The following NPHS1 variants were observed in gnomAD, a reference collection of about 807,000 sequenced individuals.
NPHS1 encodes the protein NPHS1 adhesion molecule, nephrin.
A neutral mutation model predicts 139.7 loss-of-function variants in NPHS1; 107 were observed. The ratio of observed to expected loss-of-function variants is 0.77; its 90% confidence interval spans 0.66 to 0.90. The LOEUF (loss-of-function observed/expected upper bound fraction) is 0.90. NPHS1 is among the 40% of genes least tolerant of loss of function. NPHS1 has a pLI of 0.00. For missense variants in NPHS1, 1,580 were observed against 1,654.2 expected (o/e 0.96, Z 0.78); for synonymous variants, 707 against 706.6 (o/e 1.00, Z -0.01).
At chr19:35,848,840 A>G in intron 8 of NPHS1, 46 bp from the exon 9 acceptor site, 5 of 1,613,162 alleles carry the variant, frequency 3.1e-6, no homozygotes, top group Non-Finnish European at 4.2e-6. Context: ...TGGATTTCTC[A>G]CAGACCAGCC....
chr19:35,851,589 A>G lies in NPHS1; in HGVS notation c.142T>C (p.Ser48Pro). 6.2e-7 allele frequency: 1 copy of G among 1,613,950 alleles called. No individual in the cohort carries two copies. Among genetic ancestry groups the G allele is most frequent in the East Asian group, 2.2e-5 (1 of 44,880 alleles). ...CTGACCCCACAACGCAGCTCCACTGAGGCCCCCTCCACCACCGTCAGGTTT... is the reference window on the plus strand; with the variant it reads ...CTGACCCCACAACGCAGCTCCACTGGGGCCCCCTCCACCACCGTCAGGTTT... ...PENLTVVEGA[S>P]VELRCGVSTP... The change falls in exon 2 of 29, where the codon TCA becomes CCA. Residue 48 changes from serine to proline, a missense_variant. By Grantham distance (74) the Ser-to-Pro change is moderately conservative. Coordinates refer to ENST00000378910, the MANE Select transcript of NPHS1 (RefSeq NM_004646.4).
chr19:35,851,933 C>G lies in NPHS1; in HGVS notation c.-96G>C, dbSNP rs1973277558. 2 of 1,055,762 alleles carry G rather than the reference C, an allele frequency of 1.9e-6. No individual in the cohort carries two copies. The highest frequency in any genetic ancestry group is 3.2e-5 in the African/African-American group (2 of 62,892). The allele number at this position is 1,055,762 out of a possible 1,614,324, so 65.4% of individuals were successfully genotyped here. ...GTCCCTCTCTGTGTGTCTCTGCCAC[C>G]TGCTTTTCTTTTTTATCTCTTTCCG... On this transcript the variant is annotated 5_prime_UTR_variant, in exon 1 of 29. Coordinates refer to ENST00000378910, the MANE Select transcript of NPHS1 (RefSeq NM_004646.4).
chr19:35,842,079 T>C lies in NPHS1; in HGVS notation c.2663+45A>G, dbSNP rs750702000. 11 of 1,582,332 alleles carry C rather than the reference T, an allele frequency of 7.0e-6. No homozygotes were observed. In the East Asian group the frequency reaches 2.5e-4, roughly 36 times the overall value. Reference sequence around the variant, plus strand: ...CAGGGAGGGGAAGTGGGGCTGGAGGTCCAGACCTGGGGCTGGAGTGCTGCC... The same window carrying C: ...CAGGGAGGGGAAGTGGGGCTGGAGGCCCAGACCTGGGGCTGGAGTGCTGCC... On this transcript the variant is annotated intron_variant, in intron 19 of 28. Transcript: ENST00000378910.
chr19:35,834,846 C>G (rs1284496549), intron 23 of NPHS1, among the ~76,000 whole-genome samples: 1 of 151,030 alleles, frequency 6.6e-6, no homozygotes, highest in Non-Finnish European at 1.5e-5. Flanking sequence ...GATCGCACCA[C>G]TGCACTCCAG....
Position 35,848,080 on chromosome 19 carries a change from A to G in NPHS1, c.1401T>C (p.Ala467=). The part of the protein sequence containing the change: ...AGTRVRLVCL[A]IGGNPEPSLM... ...GGGAGGGCTCTGGGTTGCCCCCGATAGCCAAACACACCAGCCTCACCCGGG... is the reference window on the plus strand; with the variant it reads ...GGGAGGGCTCTGGGTTGCCCCCGATGGCCAAACACACCAGCCTCACCCGGG... Residue 467 remains alanine (A), a synonymous_variant, in exon 11 of 29, where the codon GCT becomes GCC. Coordinates refer to ENST00000378910, the MANE Select transcript of NPHS1 (RefSeq NM_004646.4). 6.2e-7 allele frequency: 1 copy of G among 1,613,962 alleles called. No individual in the cohort carries two copies. The highest frequency in any genetic ancestry group is 8.5e-7 in the Non-Finnish European group (1 of 1,180,010).
intron 22 of NPHS1, among the ~76,000 whole-genome samples, chr19:35,838,921 C>T (rs1381689268): frequency 1.3e-5 from 2 of 151,924 alleles, no homozygotes; most frequent in Non-Finnish European, 2.9e-5. Flanking sequence ...ATAAATTTCC[C>T]TCTAAGTACT....
chr19:35,850,689 C>CT (rs1244576948), intron 4 of NPHS1, among the ~76,000 whole-genome samples: 1 of 152,166 alleles, frequency 6.6e-6, no homozygotes, highest in Non-Finnish European at 1.5e-5. Flanking sequence ...ACCATGCACC[C>CT]TATCCCTCAG....
chr19:35,848,337 T>C lies in NPHS1; in HGVS notation c.1231A>G (p.Asn411Asp), dbSNP rs1271387570. Residue 411 changes from asparagine (N) to aspartate (D), a missense_variant, in exon 10 of 29, where the codon AAC (asparagine) becomes GAC (aspartate). Coordinates refer to ENST00000378910, the MANE Select transcript of NPHS1 (RefSeq NM_004646.4). ...GCCTCACATGTGAGGGTCAGACCGT[T>C]GTCCTCCCGCCGCGCCAGGAATGTC... ...NLTFLARRED[N>D]GLTLTCEAFS... 1 of 1,614,128 alleles carries C rather than the reference T, an allele frequency of 6.2e-7. No homozygotes were observed. Among genetic ancestry groups the C allele is most frequent in the East Asian group, 2.2e-5 (1 of 44,880 alleles).
intron 20 of NPHS1, 149 bp downstream of exon 20, chr19:35,841,566 T>C (rs1319397960): frequency 1.2e-6 from 1 of 839,888 alleles, no homozygotes; most frequent in Non-Finnish European, 2.0e-6. Flanking sequence ...CCAGTCTCCA[T>C]TAGGATTTTC....
intron 23 of NPHS1, among the ~76,000 whole-genome samples, chr19:35,834,144 C>T (rs1273598968): frequency 6.6e-6 from 1 of 152,198 alleles, no homozygotes; most frequent in African/African-American, 2.4e-5. Context: ...CCTTTCCACA[C>T]TGACTCTGTG....
chr19:35,845,684 T>A lies in NPHS1; in HGVS notation c.1742A>T (p.Asp581Val), dbSNP rs1973129516. 6.2e-7 allele frequency: 1 copy of A among 1,613,892 alleles called. No individual in the cohort carries two copies. Among genetic ancestry groups the A allele is most frequent in the African/African-American group, 1.3e-5 (1 of 75,040 alleles). ...GCACTCCCACCTCTCCCCTTCCTTG[T>A]CCCAGGACAAGTTGACCGGCGGATT... ...SSNPPVNLSWDKEGERLEGVA... is the reference protein window; with the variant it reads ...SSNPPVNLSWVKEGERLEGVA... The change falls in exon 13 of 29, where the codon GAC becomes GTC. Residue 581 changes from aspartate (D) to valine (V), a missense_variant. Coordinates refer to ENST00000378910, the MANE Select transcript of NPHS1 (RefSeq NM_004646.4). The surrounding 1 kb of genome is among the most constrained non-coding windows in gnomAD (Gnocchi z 5.5).
intron 22 of NPHS1, among the ~76,000 whole-genome samples, chr19:35,837,587 T>TTCTCTC (rs58943001): frequency 0.019 from 2,903 of 149,244 alleles, 95 homozygotes; most frequent in African/African-American, 0.067. Context: ...GCTTCTTTCT[T>TTCTCTC]TCTCTCTCTC....
chr19:35,838,015 A>T (rs1272328523), intron 22 of NPHS1, among the ~76,000 whole-genome samples: 1 of 149,024 alleles, frequency 6.7e-6, no homozygotes, highest in Admixed American at 6.7e-5. Flanking sequence ...ACTTTGGGAG[A>T]CCGAAGCTGG....
chr19:35,831,988 C>T (rs1174894521), intron 23 of NPHS1, among the ~76,000 whole-genome samples: 2 of 152,202 alleles, frequency 1.3e-5, no homozygotes, highest in East Asian at 3.8e-4. Context: ...ACTCTGCAAA[C>T]TCAGAACGGA....
rs760688542 is a variant in NPHS1 at position 35,845,839 on chromosome 19, G to A, written c.1628-41C>T. 6.9e-6 allele frequency: 11 copies of A among 1,599,942 alleles called. No homozygotes were observed. The South Asian group carries it at 1.1e-4, about 16-fold the overall frequency. On this transcript the variant is annotated intron_variant, in intron 12 of 28. Coordinates refer to ENST00000378910, the MANE Select transcript of NPHS1 (RefSeq NM_004646.4). The surrounding 1 kb of genome is among the most constrained non-coding windows in gnomAD (Gnocchi z 5.5). ...GGAGGAGCGAGACTCAGAGGTTAGG[G>A]GCGGCCTGGTCTGCGTCCACCCCGC...
In NPHS1 at chr19:35,842,599, C is replaced by T. The variant is rs751949173; in HGVS notation, c.2335-49G>A. 6 of 1,579,396 alleles carry T rather than the reference C, an allele frequency of 3.8e-6. No homozygotes were observed. The Admixed American group carries it at 1.0e-4, about 26-fold the overall frequency. On this transcript the variant is annotated intron_variant, in intron 17 of 28. Coordinates refer to ENST00000378910, the MANE Select transcript of NPHS1 (RefSeq NM_004646.4). ...TGGCCTCCCAGTCTAGCCCCAGATC[C>T]ATCACTGCCCAAATTGTCCCTTCTG...
chr19:35,836,752 T>C (rs970248371), intron 22 of NPHS1, among the ~76,000 whole-genome samples: 2 of 151,822 alleles, frequency 1.3e-5, no homozygotes, highest in South Asian at 2.1e-4. Flanking sequence ...CCCAGCACTT[T>C]GAGAGACTGA....
chr19:35,826,348 C>T lies in NPHS1; in HGVS notation c.*166G>A. The T allele has an allele frequency of 1.4e-6, 1 of 739,588 alleles. No homozygotes were observed. The allele number at this position is 739,588 out of a possible 1,614,324, so 45.8% of individuals were successfully genotyped here. Reference sequence around the variant, plus strand: ...GATGCACCTTGTTTCTACTCTGGTACCAGCTGAACCATCTCTGTCACTCAG... The same window carrying T: ...GATGCACCTTGTTTCTACTCTGGTATCAGCTGAACCATCTCTGTCACTCAG... On this transcript the variant is annotated 3_prime_UTR_variant, in exon 29 of 29. Transcript: ENST00000378910.
chr19:35,829,705 AT>A (rs1439726550), intron 28 of NPHS1, among the ~76,000 whole-genome samples: 2 of 151,784 alleles, frequency 1.3e-5, no homozygotes, highest in Non-Finnish European at 2.9e-5. Context: ...CATCCAGATA[AT>A]TTTTGCATTT....
Sources: allele counts gnomAD v4.1 joint callset (sites outside exome capture counted in the v4.1 genomes callset), GRCh38; gene constraint gnomAD v4.1.1; non-coding constraint Gnocchi (gnomAD v3.1); transcripts MANE v1.5; gene names NCBI Gene and HGNC (gene_info 2026-07-23, HGNC 2026-07-21).